MAPDA: variants seen among roughly 807,000 people sequenced by gnomAD.
MAPDA encodes N6,N6-dimethyl-AMP deaminase.
At chr15:43,345,117 G>C in the MAPDA span, among the ~76,000 whole-genome samples, 1 of 152,074 alleles carries the variant, frequency 6.6e-6, no homozygotes, top group Non-Finnish European at 1.5e-5. Context: ...CACTTTGGGA[G>C]GCTGAGGCGG....
At chr15:43,351,167 G>C in the MAPDA span, 4 of 902,272 alleles carry the variant, frequency 4.4e-6, no homozygotes, top group Non-Finnish European at 6.9e-6. Context: ...GAGTTAGAAG[G>C]GACCGGGGTG....
chr15:43,335,170 G>T, the MAPDA span: 1 of 1,613,538 alleles, frequency 6.2e-7, no homozygotes, highest in Non-Finnish European at 8.5e-7. Context: ...TGCCAAAAGT[G>T]GTGAGAATTC....
the MAPDA span, chr15:43,332,138 A>C: frequency 6.6e-6 from 1 of 152,206 alleles, no homozygotes; most frequent in African/African-American, 2.4e-5. Context: ...GGTGTGAGGT[A>C]GGGCAGAGAG....
At chr15:43,332,065 A>G in the MAPDA span, 1 of 152,240 alleles carries the variant, frequency 6.6e-6, no homozygotes, top group Non-Finnish European at 1.5e-5. Flanking sequence ...GGATAGGAGA[A>G]TGAATCCTTT....
chr15:43,351,883 A>G, the MAPDA span: 1 of 1,551,624 alleles, frequency 6.4e-7, no homozygotes, highest in Non-Finnish European at 8.7e-7. Context: ...TGCTTCTGAC[A>G]GCACCAGATC....
chr15:43,343,512 C>T, the MAPDA span, among the ~76,000 whole-genome samples: 1 of 152,184 alleles, frequency 6.6e-6, no homozygotes, highest in Non-Finnish European at 1.5e-5. Flanking sequence ...GATTCCTGCC[C>T]AGCTGGCTGG....
chr15:43,351,930 A>G, the MAPDA span: 2 of 1,550,788 alleles, frequency 1.3e-6, no homozygotes, highest in South Asian at 1.2e-5. Flanking sequence ...TGAAGCCCAG[A>G]GTGTTACATA....
the MAPDA span, chr15:43,353,056 T>C: frequency 6.6e-6 from 1 of 152,034 alleles, no homozygotes; most frequent in African/African-American, 2.4e-5. Context: ...TTTTATTACA[T>C]TTTCTTTGTG....
At chr15:43,337,798 C>T in the MAPDA span, among the ~76,000 whole-genome samples, 3 of 152,112 alleles carry the variant, frequency 2.0e-5, no homozygotes, top group Non-Finnish European at 2.9e-5. Context: ...ACTGAGTGCC[C>T]ACAATGTTCC....
At chr15:43,338,059 T>C in the MAPDA span, among the ~76,000 whole-genome samples, 1 of 152,230 alleles carries the variant, frequency 6.6e-6, no homozygotes. Flanking sequence ...ATGAGTGTTA[T>C]AGAGCAAAAT....
the MAPDA span, among the ~76,000 whole-genome samples, chr15:43,337,054 G>T: frequency 6.6e-6 from 1 of 151,742 alleles, no homozygotes; most frequent in Admixed American, 6.6e-5. Flanking sequence ...GGATCACAAG[G>T]TCAGGAGTTG....
At chr15:43,341,997 C>A in the MAPDA span, among the ~76,000 whole-genome samples, 3 of 152,002 alleles carry the variant, frequency 2.0e-5, no homozygotes, top group Admixed American at 2.0e-4. Flanking sequence ...TGCCACCACA[C>A]TTGGCTCATT....
At chr15:43,330,562 A>G in the MAPDA span, 5 of 1,464,152 alleles carry the variant, frequency 3.4e-6, no homozygotes, top group Non-Finnish European at 4.5e-6. Flanking sequence ...CACCTCACGG[A>G]CCTCGGTAGG....
chr15:43,349,666 G>C, the MAPDA span, among the ~76,000 whole-genome samples: 1 of 152,168 alleles, frequency 6.6e-6, no homozygotes, highest in African/African-American at 2.4e-5. Flanking sequence ...GGTTAGGAAA[G>C]GCCTTTCTAA....
At chr15:43,335,639 G>A in the MAPDA span, 1 of 1,533,228 alleles carries the variant, frequency 6.5e-7, no homozygotes, top group Non-Finnish European at 8.8e-7. Context: ...TAAGTACTTG[G>A]TAAGATGCTA....
chr15:43,341,009 G>A, the MAPDA span, among the ~76,000 whole-genome samples: 1 of 152,188 alleles, frequency 6.6e-6, no homozygotes, highest in Non-Finnish European at 1.5e-5. Context: ...GGAGCAAGCT[G>A]TGATGTGGTA....
chr15:43,330,551 A>G, the MAPDA span: 1 of 1,490,346 alleles, frequency 6.7e-7, no homozygotes, highest in Non-Finnish European at 8.9e-7. Flanking sequence ...TGGTTAGCAC[A>G]CACCTCACGG....
the MAPDA span, chr15:43,348,812 A>G: frequency 3.2e-5 from 42 of 1,323,318 alleles, no homozygotes; most frequent in Admixed American, 7.0e-5. Context: ...TGCATTAAGT[A>G]CTACTTAGAG....
At chr15:43,344,477 C>T in the MAPDA span, among the ~76,000 whole-genome samples, 6 of 151,964 alleles carry the variant, frequency 3.9e-5, no homozygotes, top group African/African-American at 1.5e-4. Flanking sequence ...AAACTCATAA[C>T]TGCTTTAAAA....
Sources: allele counts gnomAD v4.1 joint callset (sites outside exome capture counted in the v4.1 genomes callset), GRCh38; gene constraint gnomAD v4.1.1; transcripts MANE v1.5; gene names NCBI Gene and HGNC (gene_info 2026-07-23, HGNC 2026-07-21).